MACROD2: variants seen among roughly 807,000 people sequenced by gnomAD.
MACROD2 encodes the protein ADP-ribose glycohydrolase MACROD2.
Under a neutral mutation model 70.4 loss-of-function variants are expected in MACROD2, and 36 were observed. The observed-to-expected ratio is 0.51, with a 90% confidence interval of 0.39 to 0.68. The LOEUF is 0.68. MACROD2 is among the 30% of genes least tolerant of loss of function. The pLI, the probability that MACROD2 is intolerant of heterozygous loss-of-function variation, is 0.00. For synonymous variants in MACROD2, 172 were observed against 178.8 expected, an observed-to-expected ratio of 0.96 and a Z score of 0.30; for missense variants, 496 against 538.4, an observed-to-expected ratio of 0.92 and a Z score of 0.78.
At chr20:14,104,697 C>T (rs1398946636) in intron 3 of MACROD2, among the ~76,000 whole-genome samples, 1 of 152,316 alleles carries the variant, frequency 6.6e-6, no homozygotes, top group Admixed American at 6.5e-5. Context: ...TAAGCCAGAG[C>T]ACTTCTCCCT....
intron 8 of MACROD2, among the ~76,000 whole-genome samples, chr20:15,700,590 G>A (rs1234332275): frequency 6.6e-6 from 1 of 152,226 alleles, no homozygotes; most frequent in African/African-American, 2.4e-5. Flanking sequence ...ACATAAAGAT[G>A]CGTGTTTTTT....
intron 4 of MACROD2, among the ~76,000 whole-genome samples, chr20:14,558,869 GTATGTGTA>G (rs1344647032): frequency 6.6e-6 from 1 of 151,584 alleles, no homozygotes; most frequent in Non-Finnish European, 1.5e-5. Context: ...AAGTGTTTGT[GTATGTGTA>G]TGTGTGTATT....
chr20:14,585,504 T>C (rs1204324045), intron 4 of MACROD2, among the ~76,000 whole-genome samples: 1 of 152,132 alleles, frequency 6.6e-6, no homozygotes, highest in Non-Finnish European at 1.5e-5. Context: ...GATAATTATA[T>C]AGGTAATCTT....
At position 14,303,780 on chromosome 20, in the gene MACROD2, T is replaced by C. The variant is rs192662919; in HGVS notation, c.272-189699T>C. 3.5e-4 allele frequency among the ~76,000 whole-genome samples: 54 copies of C among 152,208 alleles called. No homozygotes were observed. In the East Asian group the frequency reaches 9.7e-3, roughly 27 times the overall value. ...GTGTCTTCCAACCCACAGCCCCCAA[T>C]GCATTTAAAGGTACATTCAGCAGAA... On this transcript the variant is annotated intron_variant, in intron 3 of 17. Transcript: ENST00000684519.
rs78819569 is a variant in MACROD2 at position 15,951,878 on chromosome 20, G to A, written c.907+14334G>A. On this transcript the variant is annotated intron_variant, in intron 12 of 17. Coordinates refer to ENST00000684519, the MANE Select transcript of MACROD2 (RefSeq NM_001351661.2). ...TTAAACACGGAATGAGGCAGAATCA[G>A]TTACTAAATATTCACTGAATTCTAT... 8.4e-3 allele frequency among the ~76,000 whole-genome samples: 1,286 copies of A among 152,250 alleles called. 3 individuals carry two copies. The highest frequency in any genetic ancestry group is 0.02 in the Middle Eastern group (6 of 294).
intron 5 of MACROD2, among the ~76,000 whole-genome samples, chr20:14,964,083 T>C (rs887485430): frequency 6.6e-6 from 1 of 152,120 alleles, no homozygotes; most frequent in African/African-American, 2.4e-5. Context: ...AAGGTGATTT[T>C]TTTTCTTCTC....
At chr20:15,028,858 G>C (rs1291453793) in intron 5 of MACROD2, among the ~76,000 whole-genome samples, 2 of 152,200 alleles carry the variant, frequency 1.3e-5, no homozygotes, top group Non-Finnish European at 2.9e-5. Context: ...GCAGAGGCAG[G>C]GTACTTAGGA....
intron 8 of MACROD2, among the ~76,000 whole-genome samples, chr20:15,613,362 T>C (rs1163638251): frequency 6.6e-6 from 1 of 152,236 alleles, no homozygotes; most frequent in Non-Finnish European, 1.5e-5. Flanking sequence ...CATGTCTGTG[T>C]AATACTGCAG....
intron 8 of MACROD2, among the ~76,000 whole-genome samples, chr20:15,842,469 T>A (rs1600981724): frequency 3.1e-4 from 1 of 3,254 alleles, no homozygotes; most frequent in Middle Eastern, 0.1. Flanking sequence ...TTTTTTCATC[T>A]TTTTTTTTTT....
chr20:14,114,651 C>G lies in MACROD2; in HGVS notation c.271+28923C>G, dbSNP rs890033785. On this transcript the variant is annotated intron_variant, in intron 3 of 17. Coordinates refer to ENST00000684519, the MANE Select transcript of MACROD2 (RefSeq NM_001351661.2). ...ATTTCTAAGAAGGAATTTTGAGAAACGAGGAACGGGGCACAAGATCAGTAA... is the reference window on the plus strand; with the variant it reads ...ATTTCTAAGAAGGAATTTTGAGAAAGGAGGAACGGGGCACAAGATCAGTAA... 4.6e-5 allele frequency among the ~76,000 whole-genome samples: 7 copies of G among 152,104 alleles called. No homozygotes were observed. The East Asian group carries it at 1.2e-3, about 25-fold the overall frequency.
intron 5 of MACROD2, among the ~76,000 whole-genome samples, chr20:14,868,218 C>G (rs1278537132): frequency 6.8e-6 from 1 of 147,712 alleles, no homozygotes; most frequent in African/African-American, 2.5e-5. Context: ...GACAAGTTCT[C>G]TCTTTATTGC....
At chr20:15,217,901 A>G (rs573146016) in intron 5 of MACROD2, among the ~76,000 whole-genome samples, 1 of 152,278 alleles carries the variant, frequency 6.6e-6, no homozygotes, top group African/African-American at 2.4e-5. Context: ...TTTCTACTAA[A>G]TAATCTCGCA....
At chr20:15,511,474 C>A (rs1244779688) in intron 8 of MACROD2, among the ~76,000 whole-genome samples, 1 of 152,104 alleles carries the variant, frequency 6.6e-6, no homozygotes, top group African/African-American at 2.4e-5. Context: ...CCAGCAATCT[C>A]CCCTAAAGCT....
At chr20:15,935,386 C>T (rs1414495831) in intron 11 of MACROD2, among the ~76,000 whole-genome samples, 1 of 152,216 alleles carries the variant, frequency 6.6e-6, no homozygotes, top group Non-Finnish European at 1.5e-5. Flanking sequence ...AGTGTCAACA[C>T]ACATAGTTAC....
At chr20:15,106,262 T>C (rs2075910132) in intron 5 of MACROD2, among the ~76,000 whole-genome samples, 1 of 152,178 alleles carries the variant, frequency 6.6e-6, no homozygotes. Context: ...ATATGTGGTA[T>C]TTCAATTTTG....
intron 5 of MACROD2, among the ~76,000 whole-genome samples, chr20:15,195,000 A>G (rs1398854230): frequency 6.6e-6 from 1 of 152,202 alleles, no homozygotes; most frequent in Non-Finnish European, 1.5e-5. Flanking sequence ...TCCCTATTTA[A>G]TAAGTGGTGC....
intron 4 of MACROD2, among the ~76,000 whole-genome samples, chr20:14,564,900 G>T (rs754161045): frequency 6.6e-6 from 1 of 151,860 alleles, no homozygotes; most frequent in African/African-American, 2.4e-5. Context: ...GCTTATTGCA[G>T]CACCATTCAC....
intron 7 of MACROD2, among the ~76,000 whole-genome samples, chr20:15,452,576 T>C (rs2146396211): frequency 6.6e-6 from 1 of 152,264 alleles, no homozygotes; most frequent in Non-Finnish European, 1.5e-5. Flanking sequence ...TCCTCTGTAA[T>C]ATTCAAGATG....
chr20:14,676,361 A>C (rs1209396191), intron 4 of MACROD2, among the ~76,000 whole-genome samples: 1 of 152,192 alleles, frequency 6.6e-6, no homozygotes. Context: ...ATCATAACAA[A>C]CTGTCTCTCA....
Sources: allele counts gnomAD v4.1 joint callset (sites outside exome capture counted in the v4.1 genomes callset), GRCh38; gene constraint gnomAD v4.1.1; transcripts MANE v1.5; gene names NCBI Gene and HGNC (gene_info 2026-07-23, HGNC 2026-07-21).